The following CDK5RAP2 variants were observed in gnomAD, a reference collection of about 807,000 sequenced individuals.
CDK5RAP2 encodes the protein CDK5 regulatory subunit-associated protein 2.
Under a neutral mutation model 232.9 loss-of-function variants are expected in CDK5RAP2, and 147 were observed. That is an observed-to-expected ratio of 0.63 (90% CI 0.55 to 0.72). CDK5RAP2 has a LOEUF of 0.72. CDK5RAP2 is among the 30% of genes least tolerant of loss of function. CDK5RAP2 has a pLI of 0.00. For synonymous variants in CDK5RAP2, 833 were observed against 833.7 expected (o/e 1.00, Z 0.01); for missense variants, 2,195 against 2,231.5 (o/e 0.98, Z 0.33).
chr9:120,521,510 T>C (rs1398349463), intron 11 of CDK5RAP2, among the ~76,000 whole-genome samples: 1 of 152,298 alleles, frequency 6.6e-6, no homozygotes, highest in East Asian at 1.9e-4. Flanking sequence ...GATGGTCTTA[T>C]AAAGGGCAGT....
intron 28 of CDK5RAP2, among the ~76,000 whole-genome samples, chr9:120,412,847 T>C (rs1383568262): frequency 2.0e-5 from 3 of 152,192 alleles, no homozygotes; most frequent in Non-Finnish European, 2.9e-5. Context: ...ATGTTAATGA[T>C]TCACTTACCG....
At chr9:120,410,510 A>G (rs2131316682) in intron 29 of CDK5RAP2, among the ~76,000 whole-genome samples, 1 of 152,234 alleles carries the variant, frequency 6.6e-6, no homozygotes, top group Middle Eastern at 3.4e-3. Context: ...TGAGGTTCAC[A>G]CTGGTCTGCC....
chr9:120,459,616 C>A (rs547954051), intron 19 of CDK5RAP2, among the ~76,000 whole-genome samples: 4 of 152,104 alleles, frequency 2.6e-5, no homozygotes. Flanking sequence ...TTATTACATG[C>A]CTTTCTATTT....
intron 17 of CDK5RAP2, among the ~76,000 whole-genome samples, chr9:120,469,591 T>C (rs918219108): frequency 2.0e-5 from 3 of 152,214 alleles, no homozygotes; most frequent in East Asian, 1.9e-4. Context: ...GATCAACACA[T>C]TGAAGAATCT....
chr9:120,532,911 TC>T (rs1024346748), intron 7 of CDK5RAP2, among the ~76,000 whole-genome samples: 2 of 151,420 alleles, frequency 1.3e-5, no homozygotes, highest in East Asian at 1.9e-4. Flanking sequence ...CTTCCCAAAG[TC>T]CCCCTTCCAA....
At chr9:120,549,115 C>T (rs2041958603) in intron 4 of CDK5RAP2, among the ~76,000 whole-genome samples, 1 of 150,814 alleles carries the variant, frequency 6.6e-6, no homozygotes, top group Admixed American at 6.6e-5. Flanking sequence ...AAGATTGTGC[C>T]ACTGCACTCC....
At position 120,438,868 on chromosome 9, in the gene CDK5RAP2, G is replaced by A. The variant is rs185944537; in HGVS notation, c.3722+531C>T. On this transcript the variant is annotated intron_variant, in intron 24 of 37. Coordinates refer to ENST00000349780, the MANE Select transcript of CDK5RAP2 (RefSeq NM_018249.6). ...TTGCCATATCTCATGAAGCAAAACC[G>A]TATATATCTATGCCCATAAAGCATT... 1.6e-3 allele frequency among the ~76,000 whole-genome samples: 246 copies of A among 152,268 alleles called. 1 individual carries two copies. Among genetic ancestry groups the A allele is most frequent in the Non-Finnish European group, 2.5e-3 (171 of 68,032 alleles).
rs569103427 is a variant in CDK5RAP2, at chr9:120,573,117, T to C, written c.60-1076A>G. On this transcript the variant is annotated intron_variant, in intron 1 of 37. Coordinates refer to ENST00000349780, the MANE Select transcript of CDK5RAP2 (RefSeq NM_018249.6). ...TGGCAATTTGCTCTTTCCATGCCTC[T>C]AAATCCAAATTCATTGTGCTCCTAG... 1.2e-4 allele frequency among the ~76,000 whole-genome samples: 18 copies of C among 152,342 alleles called. No homozygotes were observed. The South Asian group carries it at 3.3e-3, about 28-fold the overall frequency.
chr9:120,453,934 A>G, intron 20 of CDK5RAP2, 61 bp from the exon 21 acceptor site: 1 of 1,550,954 alleles, frequency 6.4e-7, no homozygotes, highest in Non-Finnish European at 8.9e-7. Flanking sequence ...CTTGTCCCCT[A>G]GCCAGTATCC....
chr9:120,418,260 G>A (rs1455406489), intron 27 of CDK5RAP2, among the ~76,000 whole-genome samples: 1 of 152,126 alleles, frequency 6.6e-6, no homozygotes, highest in African/African-American at 2.4e-5. Flanking sequence ...GGTCCACAGA[G>A]GAGCAAGAAA....
intron 27 of CDK5RAP2, among the ~76,000 whole-genome samples, chr9:120,418,858 A>T (rs2034393948): frequency 6.6e-6 from 1 of 152,188 alleles, no homozygotes; most frequent in Non-Finnish European, 1.5e-5. Flanking sequence ...CATGGGACAA[A>T]GGCACCATAC....
intron 3 of CDK5RAP2, among the ~76,000 whole-genome samples, chr9:120,559,570 G>GAA (rs777727216): frequency 6.6e-4 from 40 of 60,814 alleles, no homozygotes; most frequent in African/African-American, 1.4e-3. Context: ...AGAGAAACAA[G>GAA]AAAAAAAAAA....
intron 12 of CDK5RAP2, among the ~76,000 whole-genome samples, chr9:120,502,483 T>G (rs1330018253): frequency 6.6e-6 from 1 of 152,240 alleles, no homozygotes; most frequent in Admixed American, 6.5e-5. Flanking sequence ...TATTCCATGC[T>G]CCTTTTAATT....
intron 14 of CDK5RAP2, among the ~76,000 whole-genome samples, 196 bp from the exon 15 acceptor site, chr9:120,477,646 T>G (rs149385628): frequency 6.6e-6 from 1 of 152,232 alleles, no homozygotes; most frequent in African/African-American, 2.4e-5. Flanking sequence ...TGCCCATCAC[T>G]CATCCCAGAA....
At chr9:120,506,576 G>C (rs761331920) in intron 12 of CDK5RAP2, among the ~76,000 whole-genome samples, 5 of 152,192 alleles carry the variant, frequency 3.3e-5, no homozygotes, top group Non-Finnish European at 7.4e-5. Context: ...ATGCCCTTAA[G>C]AACATTTGTG....
chr9:120,577,336 G>A (rs2043072426), intron 1 of CDK5RAP2, among the ~76,000 whole-genome samples: 1 of 147,026 alleles, frequency 6.8e-6, no homozygotes, highest in Non-Finnish European at 1.5e-5. Context: ...ACTCCAGCCT[G>A]GGCAACAAAG....
At chr9:120,451,106 G>T (rs1436275197) in intron 21 of CDK5RAP2, among the ~76,000 whole-genome samples, 1 of 152,202 alleles carries the variant, frequency 6.6e-6, no homozygotes, top group East Asian at 1.9e-4. Flanking sequence ...GTGCACAAAT[G>T]CCAAAGCCAA....
At chr9:120,475,722 C>T (rs192976670) in intron 15 of CDK5RAP2, among the ~76,000 whole-genome samples, 195 of 152,328 alleles carry the variant, frequency 1.3e-3, no homozygotes, top group African/African-American at 4.6e-3. Context: ...TTTCCCTAAA[C>T]TCATTTCCTA....
At chr9:120,564,206 G>A (rs1028571329) in intron 3 of CDK5RAP2, among the ~76,000 whole-genome samples, 1 of 152,132 alleles carries the variant, frequency 6.6e-6, no homozygotes, top group Non-Finnish European at 1.5e-5. Context: ...GGTGGCTCAC[G>A]CCTGTAGTTC....
Sources: allele counts gnomAD v4.1 joint callset (sites outside exome capture counted in the v4.1 genomes callset), GRCh38; gene constraint gnomAD v4.1.1; transcripts MANE v1.5; gene names NCBI Gene and HGNC (gene_info 2026-07-23, HGNC 2026-07-21).